Variants in PLEKHG4 observed in about 807,000 individuals in gnomAD.
The protein encoded by PLEKHG4 is pleckstrin homology and RhoGEF domain containing G4, also known as puratrophin-1.
A neutral mutation model predicts 136.9 loss-of-function variants in PLEKHG4; 85 were observed. The observed-to-expected ratio is 0.62, with a 90% confidence interval of 0.52 to 0.74. The LOEUF is 0.74. Among genes scored for constraint, PLEKHG4 ranks in the 30% least tolerant of loss-of-function variants. The pLI is 0.00. For synonymous variants in PLEKHG4, 577 were observed against 646.9 expected, an observed-to-expected ratio of 0.89 and a Z score of 1.64; for missense variants, 1,317 against 1,527.8, an observed-to-expected ratio of 0.86 and a Z score of 2.30.
Position 67,287,957 on chromosome 16 carries a change from G to C in PLEKHG4, c.3163G>C (p.Ala1055Pro). The change falls in exon 19 of 22, where the codon GCT (alanine) becomes CCT (proline). Residue 1055 changes from alanine to proline, a missense_variant. Ala to Pro is a conservative substitution (Grantham distance 27, BLOSUM62 -1). Coordinates refer to ENST00000379344, the MANE Select transcript of PLEKHG4 (RefSeq NM_001129729.3). ...GVGNKAFRDIAPSEEAINDRT... is the reference protein window; with the variant it reads ...GVGNKAFRDIPPSEEAINDRT... ...GGGGAACAAGGCCTTCCGAGACATT[G>C]CTCCCAGCGAGGAAGCCATCAACGA... 9 of 1,614,096 alleles carry C rather than the reference G, an allele frequency of 5.6e-6. No individual in the cohort carries two copies. Among genetic ancestry groups the C allele is most frequent in the Non-Finnish European group, 7.6e-6 (9 of 1,179,968 alleles).
rs775663183 is a variant in PLEKHG4, at chr16:67,288,853, A to G, written c.*45A>G. ...GTAGATCCAGCAGCCTGCAGCTCCA[A>G]GGAACATTGCCTCTCTGGATCTGCT... On this transcript the variant is annotated 3_prime_UTR_variant, in exon 22 of 22. Coordinates refer to ENST00000379344, the MANE Select transcript of PLEKHG4 (RefSeq NM_001129729.3). 3 of 1,608,660 alleles carry G rather than the reference A, an allele frequency of 1.9e-6. No individual in the cohort carries two copies. The highest frequency in any genetic ancestry group is 4.5e-5 in the East Asian group (2 of 44,686).
At chr16:67,281,953 GGAAGCCCAGGA>G in intron 7 of PLEKHG4, 45 bp from the exon 8 acceptor site, 1 of 1,559,668 alleles carries the variant, frequency 6.4e-7, no homozygotes, top group Non-Finnish European at 8.8e-7. Flanking sequence ...CTGGAACCCA[GGAAGCCCAGGA>G]CCAACACTGC....
upstream of PLEKHG4, chr16:67,278,731 A>G (rs1185027050): frequency 6.6e-6 from 1 of 152,040 alleles, no homozygotes; most frequent in African/African-American, 2.4e-5. Context: ...ATGACTTTCC[A>G]TTTTTACAGG....
Position 67,280,330 on chromosome 16 carries a change from G to C in PLEKHG4, c.286G>C (p.Gly96Arg). 6.2e-7 allele frequency: 1 copy of C among 1,613,740 alleles called. No homozygotes were observed. The highest frequency in any genetic ancestry group is 8.5e-7 in the Non-Finnish European group (1 of 1,179,980). Residue 96 changes from glycine to arginine, a missense_variant, in exon 2 of 22, where the codon GGG becomes CGG. Coordinates refer to ENST00000379344, the MANE Select transcript of PLEKHG4 (RefSeq NM_001129729.3). This position sits in a 1 kb window ranked among gnomAD's most constrained non-coding sequence, Gnocchi z 4.4. The stretch of plus-strand genomic sequence containing the variant: ...AGAAAGCTCCTCAGTCCTGTCAGAA[G>C]GGCCAGGCCCCTCTGGAGTGGAGAG... ...TVESSSVLSE[G>R]PGPSGVESLL...
In PLEKHG4 at chr16:67,284,827, C is replaced by T. The variant is rs1359249816; in HGVS notation, c.1807C>T (p.Pro603Ser). ...LHWTRHPDLPPAHFRKMWALA... is the reference protein window; with the variant it reads ...LHWTRHPDLPSAHFRKMWALA... Reference sequence around the variant, plus strand: ...CTGGACCAGGCACCCTGACTTGCCTCCTGCCCACTTCCGAAAGATGTGGGC... The same window carrying T: ...CTGGACCAGGCACCCTGACTTGCCTTCTGCCCACTTCCGAAAGATGTGGGC... The change falls in exon 13 of 22, where the codon CCT becomes TCT. Residue 603 changes from proline (P) to serine (S), a missense_variant. By Grantham distance (74) the Pro-to-Ser change is moderately conservative. Coordinates refer to ENST00000379344, the MANE Select transcript of PLEKHG4 (RefSeq NM_001129729.3). This position sits in a 1 kb window ranked among gnomAD's most constrained non-coding sequence, Gnocchi z 4.4. 3 of 1,613,372 alleles carry T rather than the reference C, an allele frequency of 1.9e-6. No individual in the cohort carries two copies. In the East Asian group the frequency reaches 6.7e-5, roughly 36 times the overall value.
At position 67,288,097 on chromosome 16, in the gene PLEKHG4, G is replaced by A. The variant is rs551309866; in HGVS notation, c.3221-70G>A. 2.3e-4 allele frequency: 349 copies of A among 1,538,180 alleles called. 1 individual carries two copies. In the South Asian group the frequency reaches 2.8e-3, roughly 13 times the overall value. On this transcript the variant is annotated intron_variant, in intron 19 of 21. Transcript: ENST00000379344. ...TGTGGCCCTCCATTAGTGCTGGCCC[G>A]CACTTTCCTTGGGATCTGGGGCCAG...
Position 67,285,583 on chromosome 16 carries a change from C to T in PLEKHG4, c.2442+47C>T, listed in dbSNP as rs150731313. ...GTATCAGCTCGTTCTGCCACACTCC[C>T]GAAGTTGCTGCTGGGCACATGCTTG... On this transcript the variant is annotated intron_variant, in intron 14 of 21. Transcript: ENST00000379344. The T allele has an allele frequency of 1.2e-3, 1,992 of 1,598,460 alleles. 5 individuals carry two copies. The highest frequency in any genetic ancestry group is 1.2e-3 in the Non-Finnish European group (1,456 of 1,178,470).
At chr16:67,278,311 G>C (rs2036062541), upstream of PLEKHG4, 1 of 152,214 alleles carries the variant, frequency 6.6e-6, no homozygotes, top group Admixed American at 6.6e-5. Context: ...TGGGGGCTGG[G>C]CTGGGCTGGG....
intron 14 of PLEKHG4, 121 bp downstream of exon 14, chr16:67,285,657 T>A: frequency 8.6e-7 from 1 of 1,169,260 alleles, no homozygotes; most frequent in East Asian, 2.4e-5. Flanking sequence ...ACTGGCAGGC[T>A]CCTGCACCTG....
rs568373623 is a variant in PLEKHG4 at position 67,287,811 on chromosome 16, A to T, written c.3104-87A>T. On this transcript the variant is annotated intron_variant, in intron 18 of 21. Coordinates refer to ENST00000379344, the MANE Select transcript of PLEKHG4 (RefSeq NM_001129729.3). The stretch of plus-strand genomic sequence containing the variant: ...CAGTTAATGTGCTGGATGGAGGTGT[A>T]CAGGAAAGACTTATCTGGGGGGTGG... 9.4e-4 allele frequency: 806 copies of T among 861,138 alleles called. 2 individuals are homozygous for T. The highest frequency in any genetic ancestry group is 1.4e-3 in the Non-Finnish European group (695 of 493,602). The allele number at this position is 861,138 out of a possible 1,614,324, so 53.3% of individuals were successfully genotyped here.
In PLEKHG4 at chr16:67,280,948, C is replaced by G; in HGVS notation, c.662C>G (p.Ser221Cys). 1 of 1,613,548 alleles carries G rather than the reference C, an allele frequency of 6.2e-7. No homozygotes were observed. Among genetic ancestry groups the G allele is most frequent in the Non-Finnish European group, 8.5e-7 (1 of 1,180,036 alleles). Residue 221 changes from serine to cysteine, a missense_variant, in exon 4 of 22, where the codon TCT becomes TGT. Physicochemically the swap from Ser to Cys is moderately radical, Grantham distance 112. Transcript: ENST00000379344. The surrounding 1 kb of genome is among the most constrained non-coding windows in gnomAD (Gnocchi z 4.4). ...LCAHSPAWLQ[S>C]ECSSQELIRL... ...GCCCACAGCCCAGCCTGGCTTCAGT[C>G]TGAGTGCAGCAGCCAGGAACTCATC...
chr16:67,286,677 C>T lies in PLEKHG4; in HGVS notation c.2754+11C>T. 1 of 1,581,388 alleles carries T rather than the reference C, an allele frequency of 6.3e-7. No homozygotes were observed. Among genetic ancestry groups the T allele is most frequent in the Non-Finnish European group, 8.6e-7 (1 of 1,162,988 alleles). Reference sequence around the variant, plus strand: ...ATCCAGGGCTGTGATGTGAGTCATCCCAGGGCAAGGGCAGTGGGTGTGAAG... The same window carrying T: ...ATCCAGGGCTGTGATGTGAGTCATCTCAGGGCAAGGGCAGTGGGTGTGAAG... On this transcript the variant is annotated intron_variant, in intron 16 of 21. Coordinates refer to ENST00000379344, the MANE Select transcript of PLEKHG4 (RefSeq NM_001129729.3).
chr16:67,286,014 G>A (rs1340466323), intron 14 of PLEKHG4, among the ~76,000 whole-genome samples: 1 of 152,202 alleles, frequency 6.6e-6, no homozygotes, highest in Non-Finnish European at 1.5e-5. Context: ...AGCCGTGGGA[G>A]GAGCAGAGCT....
rs371376758 is a variant in PLEKHG4, at chr16:67,280,839, G to T, written c.595+33G>T. 1.1e-5 allele frequency: 18 copies of T among 1,613,586 alleles called. No homozygotes were observed. The highest frequency in any genetic ancestry group is 4.0e-5 in the African/African-American group (3 of 74,942). On this transcript the variant is annotated intron_variant, in intron 3 of 21. Transcript: ENST00000379344. This position sits in a 1 kb window ranked among gnomAD's most constrained non-coding sequence, Gnocchi z 4.4. The stretch of plus-strand genomic sequence containing the variant: ...GGCGGGCCTAGAGGCGGTGGAGGTG[G>T]AGTGGCCCAATACGGCAGGAGTTCA...
At position 67,288,812 on chromosome 16, in the gene PLEKHG4, C is replaced by T. The variant is rs369252787; in HGVS notation, c.*4C>T. ...TGGCCTGGCCCTGCAGGTCTGAGCCCGGGACTGGACGAGCAGTAGATCCAG... is the reference window on the plus strand; with the variant it reads ...TGGCCTGGCCCTGCAGGTCTGAGCCTGGGACTGGACGAGCAGTAGATCCAG... On this transcript the variant is annotated 3_prime_UTR_variant, in exon 22 of 22. Coordinates refer to ENST00000379344, the MANE Select transcript of PLEKHG4 (RefSeq NM_001129729.3). 4.7e-5 allele frequency: 76 copies of T among 1,613,620 alleles called. No homozygotes were observed. Among genetic ancestry groups the T allele is most frequent in the Admixed American group, 2.2e-4 (13 of 59,986 alleles).
Position 67,284,365 on chromosome 16 carries a change from C to T in PLEKHG4, c.1600C>T (p.Leu534=). The change falls in exon 12 of 22, where the codon CTG becomes TTG. Residue 534 remains leucine (L), a synonymous_variant. Transcript: ENST00000379344. The surrounding 1 kb of genome is among the most constrained non-coding windows in gnomAD (Gnocchi z 4.4). ...CCCCCCTGGGGCACGCTTTCTGGCC[C>T]TGCGAGCCCAGCTGACTGAATTCTC... ...LDPPGARFLA[L]RAQLTEFSRA... 1 of 1,614,062 alleles carries T rather than the reference C, an allele frequency of 6.2e-7. No individual in the cohort carries two copies. Among genetic ancestry groups the T allele is most frequent in the African/African-American group, 1.3e-5 (1 of 75,046 alleles).
chr16:67,281,685 C>G lies in PLEKHG4; in HGVS notation c.892-39C>G, dbSNP rs773236204. The stretch of plus-strand genomic sequence containing the variant: ...GGCTAGGGGTAGAGGTGGGGTGCCT[C>G]CCCCCAGGCCTGGGTCACAACACCT... On this transcript the variant is annotated intron_variant, in intron 6 of 21. Coordinates refer to ENST00000379344, the MANE Select transcript of PLEKHG4 (RefSeq NM_001129729.3). 3.7e-6 allele frequency: 6 copies of G among 1,610,674 alleles called. No homozygotes were observed. In the South Asian group the frequency reaches 6.6e-5, roughly 18 times the overall value.
At position 67,286,296 on chromosome 16, in the gene PLEKHG4, C is replaced by T. The variant is rs751496290; in HGVS notation, c.2465C>T (p.Ala822Val). The T allele has an allele frequency of 2.2e-5, 35 of 1,613,576 alleles. No homozygotes were observed. The highest frequency in any genetic ancestry group is 8.9e-5 in the East Asian group (4 of 44,868). ...TAGAGGGTGCAGTTTGGGATGTACG[C>T]GCTCTACAGCAAGAATAAGCCTCGC... ...LRHRVQFGMY[A>V]LYSKNKPRSD... Residue 822 changes from alanine (A) to valine (V), a missense_variant, in exon 15 of 22, where the codon GCG becomes GTG. Ala to Val is a moderately conservative substitution (Grantham distance 64, BLOSUM62 0). Coordinates refer to ENST00000379344, the MANE Select transcript of PLEKHG4 (RefSeq NM_001129729.3).
chr16:67,278,424 T>G (rs1364177995), upstream of PLEKHG4: 1 of 152,124 alleles, frequency 6.6e-6, no homozygotes, highest in African/African-American at 2.4e-5. Context: ...CGGTGCCCCC[T>G]CTCCCCAGGG....
Sources: gnomAD v4.1 joint callset for allele counts (sites outside exome capture counted in the v4.1 genomes callset) on GRCh38, gnomAD v4.1.1 for gene constraint, Gnocchi (gnomAD v3.1) non-coding constraint, MANE v1.5 for transcripts, NCBI Gene and HGNC (gene_info 2026-07-23, HGNC 2026-07-21) for gene names.